The following PCDHGB3 variants were observed in gnomAD, a reference collection of about 807,000 sequenced individuals.
The protein encoded by PCDHGB3 is protocadherin gamma subfamily B, 3.
PCDHGB3 carries 40 observed loss-of-function variants against 59.2 expected under a neutral mutation model. That is an observed-to-expected ratio of 0.68 (90% CI 0.52 to 0.88). The LOEUF (loss-of-function observed/expected upper bound fraction) is 0.88. PCDHGB3 is among the 40% of genes least tolerant of loss of function. The pLI is 0.00. For missense variants in PCDHGB3, 1,309 were observed against 1,187.9 expected (o/e 1.10, Z -1.50); for synonymous variants, 581 against 503.6 (o/e 1.15, Z -2.06).
At chr5:141,473,402 T>C (rs1019157713) in intron 1 of PCDHGB3, among the ~76,000 whole-genome samples, 7 of 152,224 alleles carry the variant, frequency 4.6e-5, no homozygotes, top group Non-Finnish European at 7.3e-5. Flanking sequence ...CTTCTTTTTT[T>C]CTTCTTCAGT....
intron 1 of PCDHGB3, chr5:141,376,094 A>T: frequency 6.2e-7 from 1 of 1,613,544 alleles, no homozygotes. Flanking sequence ...GATCCCCGAC[A>T]TCCTGGCCGA....
At chr5:141,418,287 G>C in intron 1 of PCDHGB3, 1 of 1,614,020 alleles carries the variant, frequency 6.2e-7, no homozygotes, top group South Asian at 1.1e-5. Context: ...TTAGAAATCA[G>C]TGAATCCGTC....
intron 1 of PCDHGB3, chr5:141,411,158 A>T (rs1384845652): frequency 6.6e-6 from 1 of 152,212 alleles, no homozygotes; most frequent in Admixed American, 6.5e-5. Context: ...TCAAGTTCTG[A>T]CTATCGAACA....
chr5:141,431,833 AAACTCT>A lies in PCDHGB3; in HGVS notation c.2415+59025_2415+59030del. The A allele has an allele frequency of 1.2e-6, 2 of 1,614,278 alleles. No homozygotes were observed. Among genetic ancestry groups the A allele is most frequent in the Non-Finnish European group, 1.7e-6 (2 of 1,180,044 alleles). ...CCTCTCTCGCCAGCTCGGTTCCCGA[AAACTCT>A]CCCAGAGGGACATTAATTGCCCTTT... is the stretch of plus-strand genomic sequence containing the variant. On this transcript the variant is annotated intron_variant, in intron 1 of 3. Transcript: ENST00000576222. This position sits in a 1 kb window ranked among gnomAD's most constrained non-coding sequence, Gnocchi z 4.8.
intron 1 of PCDHGB3, chr5:141,405,052 C>G (rs182635391): frequency 4.3e-6 from 7 of 1,613,836 alleles, no homozygotes; most frequent in Non-Finnish European, 5.9e-6. Context: ...TGGCAGTCGT[C>G]TCCTGTGTCT....
chr5:141,432,793 C>T lies in PCDHGB3; in HGVS notation c.2415+59984C>T. 6.2e-7 allele frequency: 1 copy of T among 1,614,150 alleles called. No individual in the cohort carries two copies. Among genetic ancestry groups the T allele is most frequent in the Admixed American group, 1.7e-5 (1 of 60,032 alleles). ...AAGTCCTGGCGGACCTCGGCAGCCT[C>T]GAGTCTCCAGCTAACTCTGAAACCT... On this transcript the variant is annotated intron_variant, in intron 1 of 3. Transcript: ENST00000576222. The surrounding 1 kb of genome is among the most constrained non-coding windows in gnomAD (Gnocchi z 6.0).
intron 1 of PCDHGB3, chr5:141,430,840 A>G: frequency 6.4e-7 from 1 of 1,565,876 alleles, no homozygotes; most frequent in East Asian, 2.2e-5. Flanking sequence ...GGGAGACCGG[A>G]TGCACCCAGA....
intron 1 of PCDHGB3, among the ~76,000 whole-genome samples, chr5:141,481,478 T>C (rs2099538352): frequency 6.6e-6 from 1 of 152,232 alleles, no homozygotes; most frequent in African/African-American, 2.4e-5. Context: ...GATTATACAC[T>C]TTAAATATGT....
chr5:141,415,860 A>G (rs2095965840), intron 1 of PCDHGB3: 3 of 1,175,636 alleles, frequency 2.6e-6, no homozygotes, highest in Middle Eastern at 3.1e-4. Context: ...CTTGTAGTTT[A>G]TAGTGTTGTT....
chr5:141,394,514 C>T, intron 1 of PCDHGB3: 1 of 1,614,230 alleles, frequency 6.2e-7, no homozygotes. Flanking sequence ...ACCCCGCCCT[C>T]CCCACAGACG....
At chr5:141,404,616 A>G (rs940307932) in intron 1 of PCDHGB3, 3 of 1,614,168 alleles carry the variant, frequency 1.9e-6, no homozygotes, top group Non-Finnish European at 2.5e-6. Flanking sequence ...GTTTTGGACC[A>G]GAATGACAAT....
In PCDHGB3 at chr5:141,477,143, G is replaced by T; in HGVS notation, c.2416-17664G>T. On this transcript the variant is annotated intron_variant, in intron 1 of 3. Transcript: ENST00000576222. The surrounding 1 kb of genome is among the most constrained non-coding windows in gnomAD (Gnocchi z 4.9). The stretch of plus-strand genomic sequence containing the variant: ...ACATTGCAAAGTGTTGGTGGAGGTT[G>T]TGGATGTGAATGACAACGCCCCGGA... The T allele has an allele frequency of 6.2e-7, 1 of 1,614,198 alleles. No homozygotes were observed. The highest frequency in any genetic ancestry group is 8.5e-7 in the Non-Finnish European group (1 of 1,180,036).
At chr5:141,443,029 C>T (rs1281303741) in intron 1 of PCDHGB3, among the ~76,000 whole-genome samples, 3 of 152,192 alleles carry the variant, frequency 2.0e-5, no homozygotes, top group Non-Finnish European at 2.9e-5. Flanking sequence ...AGTTGCCAGA[C>T]CTAAACTTTG....
intron 1 of PCDHGB3, chr5:141,389,630 T>G: frequency 6.2e-7 from 1 of 1,612,990 alleles, no homozygotes; most frequent in South Asian, 1.1e-5. Context: ...CTGCAGAGCC[T>G]GGCTACTTGG....
At chr5:141,391,788 G>GT (rs1373420883) in intron 1 of PCDHGB3, 2 of 152,132 alleles carry the variant, frequency 1.3e-5, no homozygotes, top group African/African-American at 2.4e-5. Flanking sequence ...ACTTTTTGCA[G>GT]TTTTTTAGAT....
intron 1 of PCDHGB3, chr5:141,403,695 G>A (rs376074779): frequency 6.2e-7 from 1 of 1,613,780 alleles, no homozygotes; most frequent in Non-Finnish European, 8.5e-7. Flanking sequence ...CGGATTTACC[G>A]AGTTAAAGTC....
chr5:141,372,851 T>C lies in PCDHGB3; in HGVS notation c.2415+42T>C, dbSNP rs756598936. 24 of 1,459,588 alleles carry C rather than the reference T, an allele frequency of 1.6e-5. No individual in the cohort carries two copies. The South Asian group carries it at 3.2e-4, about 19-fold the overall frequency. The allele number at this position is 1,459,588 out of a possible 1,614,324, so 90.4% of individuals were successfully genotyped here. A position where few individuals can be genotyped will look rare whatever the true frequency, so the allele number is the denominator to read the frequency against. ...CTTTCCTTCCATAAATATAATTGGG[T>C]TTCAATTCATTGATTTAGAGATAAA... On this transcript the variant is annotated intron_variant, in intron 1 of 3. Coordinates refer to ENST00000576222, the MANE Select transcript of PCDHGB3 (RefSeq NM_018924.5).
rs1197249074 is a variant in PCDHGB3 at position 141,438,579 on chromosome 5, CATACATACATACATATATAT to C, written c.2416-56224_2416-56205del. ...AAGAGGCAGCTGTCTGATATACATACATACATACATACATATATATATATATATATATATATATATATATA... is the reference window on the plus strand; with the variant it reads ...AAGAGGCAGCTGTCTGATATACATACATATATATATATATATATATATATA... On this transcript the variant is annotated intron_variant, in intron 1 of 3. Transcript: ENST00000576222. Among the ~76,000 whole-genome samples the C allele has an allele frequency of 5.3e-3, 298 of 55,734 alleles. 1 individual carries two copies. Among genetic ancestry groups the C allele is most frequent in the Admixed American group, 0.022 (77 of 3,542 alleles). The allele number at this position is 55,734 out of a possible 152,430, so 36.6% of individuals were successfully genotyped here.
chr5:141,497,406 C>T lies in PCDHGB3; in HGVS notation c.2474+2541C>T, dbSNP rs892691245. 1.2e-4 allele frequency among the ~76,000 whole-genome samples: 19 copies of T among 152,174 alleles called. No individual in the cohort carries two copies. The East Asian group carries it at 1.5e-3, about 12-fold the overall frequency. ...AGCACCTTACCCCTGCCTCAACTCC[C>T]ATTCCATCAAATGAGAGGCTTAGTG... On this transcript the variant is annotated intron_variant, in intron 2 of 3. Transcript: ENST00000576222.
Sources: gnomAD v4.1 joint callset for allele counts (sites outside exome capture counted in the v4.1 genomes callset) on GRCh38, gnomAD v4.1.1 for gene constraint, Gnocchi (gnomAD v3.1) non-coding constraint, MANE v1.5 for transcripts, NCBI Gene and HGNC (gene_info 2026-07-23, HGNC 2026-07-21) for gene names.